Variants in DHX57 observed in about 807,000 individuals in gnomAD.
The protein encoded by DHX57 is DExH-box helicase 57.
Under a neutral mutation model 156.2 loss-of-function variants are expected in DHX57, and 105 were observed. The observed-to-expected ratio is 0.67, with a 90% CI of 0.57 to 0.79. DHX57 has a LOEUF of 0.79. Among genes scored for constraint, DHX57 ranks in the 30% least tolerant of loss-of-function variants. The pLI, the probability that DHX57 is intolerant of heterozygous loss-of-function variation, is 0.00. For synonymous variants in DHX57, 704 were observed against 595.6 expected (o/e 1.18, Z -2.65); for missense variants, 1,847 against 1,661.9 (o/e 1.11, Z -1.94).
At chr2:38,800,505 A>G (rs13393938) in intron 23 of DHX57, among the ~76,000 whole-genome samples, 15,448 of 152,132 alleles carry the variant, frequency 0.1, 856 homozygotes, top group African/African-American at 0.11. Context: ...TCCCCACTGT[A>G]TGGGAAACAT....
At chr2:38,850,695 G>GGAAAAGC (rs1472845365) in intron 9 of DHX57, among the ~76,000 whole-genome samples, 1 of 151,620 alleles carries the variant, frequency 6.6e-6, no homozygotes, top group African/African-American at 2.4e-5. Flanking sequence ...TCTTTTTCAG[G>GGAAAAGC]GAAATAGTCC....
chr2:38,816,762 T>C (rs1242055336), intron 19 of DHX57, among the ~76,000 whole-genome samples: 1 of 152,214 alleles, frequency 6.6e-6, no homozygotes, highest in Non-Finnish European at 1.5e-5. Flanking sequence ...GAGTTAAATA[T>C]ACCGCAGTTT....
rs1156634639 is a variant in DHX57, at chr2:38,823,268, T to C, written c.3016A>G (p.Ile1006Val). 3 of 1,609,682 alleles carry C rather than the reference T, an allele frequency of 1.9e-6. No individual in the cohort carries two copies. Among genetic ancestry groups the C allele is most frequent in the Non-Finnish European group, 2.6e-6 (3 of 1,176,436 alleles). ...GCACTAAACATCTCTAAAATTTTAA[T>C]TCTGAAAAGGAAACAAAATAATAAT... ...RVPLEQLCLRIKILEMFSAHN... is the reference protein window; with the variant it reads ...RVPLEQLCLRVKILEMFSAHN... Residue 1006 changes from isoleucine to valine, a missense_variant and splice_region_variant, in exon 17 of 24, where the codon ATT becomes GTT. Coordinates refer to ENST00000457308, the MANE Select transcript of DHX57 (RefSeq NM_198963.3).
chr2:38,869,052 T>C (rs1665229291), intron 1 of DHX57, among the ~76,000 whole-genome samples: 1 of 152,192 alleles, frequency 6.6e-6, no homozygotes, highest in Non-Finnish European at 1.5e-5. Context: ...TCTGCGCACC[T>C]CAGCATCCCA....
chr2:38,815,844 T>C (rs1670520782), intron 19 of DHX57, 189 bp from the exon 20 acceptor site: 5 of 659,044 alleles, frequency 7.6e-6, no homozygotes, highest in Non-Finnish European at 1.3e-5. Flanking sequence ...TTACGCAAAC[T>C]GGCAGGCAAA....
Position 38,834,127 on chromosome 2 carries a change from C to T in DHX57, c.2542+3704G>A, listed in dbSNP as rs146364000. 5.9e-3 allele frequency among the ~76,000 whole-genome samples: 896 copies of T among 151,664 alleles called. 8 individuals are homozygous for T. Among genetic ancestry groups the T allele is most frequent in the African/African-American group, 0.021 (862 of 41,360 alleles). Reference sequence around the variant, plus strand: ...GGTAGATCACCTGAGGTTGGGAGTTCGAGACCAGCCTGACCAACACGGTGA... The same window carrying T: ...GGTAGATCACCTGAGGTTGGGAGTTTGAGACCAGCCTGACCAACACGGTGA... On this transcript the variant is annotated intron_variant, in intron 13 of 23. Coordinates refer to ENST00000457308, the MANE Select transcript of DHX57 (RefSeq NM_198963.3).
intron 2 of DHX57, chr2:38,867,180 G>A (rs1410235013): frequency 6.6e-6 from 1 of 152,140 alleles, no homozygotes; most frequent in Non-Finnish European, 1.5e-5. Flanking sequence ...AGGAGCAATT[G>A]GCTACATCAT....
intron 23 of DHX57, 111 bp downstream of exon 23, chr2:38,802,604 A>T: frequency 7.4e-7 from 1 of 1,342,884 alleles, no homozygotes; most frequent in Non-Finnish European, 1.0e-6. Context: ...ATTCATTTTT[A>T]ATTAGCTCTG....
intron 21 of DHX57, chr2:38,811,557 G>A (rs1002872961): frequency 1.5e-5 from 18 of 1,235,730 alleles, no homozygotes; most frequent in African/African-American, 3.0e-5. Context: ...GGCCAGGTAG[G>A]CAATAATGTC....
intron 11 of DHX57, among the ~76,000 whole-genome samples, chr2:38,843,514 G>T (rs7560198): frequency 2.6e-5 from 4 of 152,208 alleles, no homozygotes; most frequent in Middle Eastern, 3.4e-3. Context: ...CTTCATTTTT[G>T]ATTTTTCTTC....
intron 13 of DHX57, among the ~76,000 whole-genome samples, chr2:38,836,089 T>C (rs1319022132): frequency 2.6e-5 from 4 of 152,216 alleles, no homozygotes; most frequent in Non-Finnish European, 5.9e-5. Context: ...GCAGAAAGAC[T>C]CAAGACTGCT....
intron 17 of DHX57, 35 bp from the exon 18 acceptor site, chr2:38,819,179 CT>C (rs3832124): frequency 0.014 from 16,787 of 1,170,310 alleles, 129 homozygotes; most frequent in African/African-American, 0.069. Context: ...TTAAAGAACA[CT>C]TTTTTTTTTT....
intron 13 of DHX57, 74 bp downstream of exon 13, chr2:38,837,757 C>A: frequency 2.2e-6 from 2 of 889,344 alleles, no homozygotes; most frequent in Non-Finnish European, 3.7e-6. Context: ...TTCAAGCACT[C>A]ATGAATAGAC....
intron 12 of DHX57, chr2:38,838,703 C>G: frequency 2.3e-6 from 1 of 438,796 alleles, no homozygotes; most frequent in Non-Finnish European, 4.6e-6. Flanking sequence ...CAGCTTTCAC[C>G]AGCATTTTTA....
chr2:38,849,717 C>G (rs1203866486), intron 9 of DHX57, among the ~76,000 whole-genome samples: 1 of 152,162 alleles, frequency 6.6e-6, no homozygotes, highest in Non-Finnish European at 1.5e-5. Flanking sequence ...CACTGTTCTC[C>G]TTGCCGTCTT....
rs773309488 is a variant in DHX57 at position 38,832,981 on chromosome 2, C to CT, written c.2543-4546dup. Among the ~76,000 whole-genome samples, 680 of 99,572 alleles carry CT rather than the reference C, an allele frequency of 6.8e-3. 8 individuals are homozygous for CT. Among genetic ancestry groups the CT allele is most frequent in the East Asian group, 0.041 (143 of 3,482 alleles). 65.3% of individuals were successfully genotyped at this position (99,572 alleles called of 152,430 possible). On this transcript the variant is annotated intron_variant, in intron 13 of 23. Coordinates refer to ENST00000457308, the MANE Select transcript of DHX57 (RefSeq NM_198963.3). ...CAGTGGTGAACAAGAAATGTCTATTCTTTTTTTTTTTTTTTTTTTTTCTGA... is the reference window on the plus strand; with the variant it reads ...CAGTGGTGAACAAGAAATGTCTATTCTTTTTTTTTTTTTTTTTTTTTTCTGA...
chr2:38,838,693 C>T, intron 12 of DHX57: 1 of 431,128 alleles, frequency 2.3e-6, no homozygotes, highest in South Asian at 1.7e-5. Flanking sequence ...ACAGAGACCC[C>T]AGCTTTCACC....
intron 2 of DHX57, among the ~76,000 whole-genome samples, chr2:38,864,361 T>A (rs1664939751): frequency 1.3e-5 from 2 of 151,090 alleles, no homozygotes; most frequent in South Asian, 4.2e-4. Context: ...GCCTGGGCAA[T>A]ATAGCAAGAT....
At chr2:38,826,770 C>T (rs1285707685) in intron 14 of DHX57, 81 bp from the exon 15 acceptor site, 1 of 1,450,260 alleles carries the variant, frequency 6.9e-7, no homozygotes, top group South Asian at 1.3e-5. Flanking sequence ...TCTACTAAAA[C>T]CAACAATATG....
Sources: gnomAD v4.1 joint callset for allele counts (sites outside exome capture counted in the v4.1 genomes callset) on GRCh38, gnomAD v4.1.1 for gene constraint, MANE v1.5 for transcripts, NCBI Gene and HGNC (gene_info 2026-07-23, HGNC 2026-07-21) for gene names.